PRKCB: variants seen among roughly 807,000 people sequenced by gnomAD.
The protein encoded by PRKCB is protein kinase C beta, also known as protein kinase C beta type.
A neutral mutation model predicts 81.5 loss-of-function variants in PRKCB; 13 were observed. That is an observed-to-expected ratio of 0.16 (90% CI 0.10 to 0.25). PRKCB has a LOEUF of 0.25. Among genes scored for constraint, PRKCB ranks in the 10% least tolerant of loss-of-function variants. The probability of loss-of-function intolerance (pLI) is 1.00; values close to 1 mark genes in which losing one functional copy is unlikely to be tolerated. For missense variants in PRKCB, 509 were observed against 875.7 expected, an observed-to-expected ratio of 0.58 and a Z score of 5.29; for synonymous variants, 335 against 321.4, an observed-to-expected ratio of 1.04 and a Z score of -0.45.
chr16:24,031,946 C>T (rs1413557957), intron 3 of PRKCB, 190 bp from the exon 4 acceptor site: 1 of 504,056 alleles, frequency 2.0e-6, no homozygotes, highest in African/African-American at 2.0e-5. Context: ...CTTTGTCCTT[C>T]ATTCCTTCCA....
chr16:24,072,695 C>T (rs1044937129), intron 5 of PRKCB, among the ~76,000 whole-genome samples: 3 of 152,092 alleles, frequency 2.0e-5, no homozygotes, highest in African/African-American at 7.2e-5. Context: ...AATTCTCCTG[C>T]CTCAGCCTCC....
chr16:23,966,966 G>A (rs191934662), intron 2 of PRKCB, among the ~76,000 whole-genome samples: 66 of 151,788 alleles, frequency 4.3e-4, no homozygotes, highest in Non-Finnish European at 8.8e-4. Flanking sequence ...ACCTGGATTT[G>A]TAAAAACCGT....
At chr16:24,169,444 T>C (rs1165141156) in intron 10 of PRKCB, among the ~76,000 whole-genome samples, 1 of 152,072 alleles carries the variant, frequency 6.6e-6, no homozygotes, top group Non-Finnish European at 1.5e-5. Flanking sequence ...ACATGATGCG[T>C]CCCTCAGCAC....
At chr16:23,836,472 T>G in intron 1 of PRKCB, 124 bp downstream of exon 1, 4 of 1,368,388 alleles carry the variant, frequency 2.9e-6, no homozygotes, top group East Asian at 2.8e-5. Context: ...GTCTCCGGAC[T>G]CCCGGCTCCG....
At chr16:24,109,400 G>C (rs906891653) in intron 7 of PRKCB, among the ~76,000 whole-genome samples, 1 of 126,474 alleles carries the variant, frequency 7.9e-6, no homozygotes, top group Non-Finnish European at 1.6e-5. Flanking sequence ...CGGGGCGGCC[G>C]GGCAGAGATG....
intron 2 of PRKCB, among the ~76,000 whole-genome samples, chr16:23,975,283 C>T (rs1964610312): frequency 6.6e-6 from 1 of 152,136 alleles, no homozygotes; most frequent in Admixed American, 6.5e-5. Flanking sequence ...ACGCATTTGT[C>T]TCTGGGCTTC....
At chr16:24,206,995 A>G (rs943131774) in intron 16 of PRKCB, among the ~76,000 whole-genome samples, 4 of 152,238 alleles carry the variant, frequency 2.6e-5, no homozygotes, top group Admixed American at 6.5e-5. Context: ...CAGAGGCACG[A>G]TCATAGCTTG....
At chr16:24,100,229 A>C (rs989840187) in intron 7 of PRKCB, among the ~76,000 whole-genome samples, 1 of 151,840 alleles carries the variant, frequency 6.6e-6, no homozygotes, top group African/African-American at 2.4e-5. Context: ...ATGGCTGATA[A>C]TTCTGTTTTT....
chr16:24,084,985 A>C (rs991479204), intron 5 of PRKCB, among the ~76,000 whole-genome samples: 4 of 152,138 alleles, frequency 2.6e-5, no homozygotes, highest in Non-Finnish European at 5.9e-5. Flanking sequence ...GTATGCACAC[A>C]GGATGTTGAA....
chr16:24,129,917 G>T (rs1467116663), intron 9 of PRKCB, among the ~76,000 whole-genome samples: 1 of 152,128 alleles, frequency 6.6e-6, no homozygotes, highest in African/African-American at 2.4e-5. Flanking sequence ...TGGAAAAGTT[G>T]AAATGATTGC....
At chr16:24,111,643 A>G (rs1966677746) in intron 7 of PRKCB, among the ~76,000 whole-genome samples, 1 of 151,032 alleles carries the variant, frequency 6.6e-6, no homozygotes. Flanking sequence ...AAAAAAAGAA[A>G]AAAAAAACAG....
intron 5 of PRKCB, among the ~76,000 whole-genome samples, chr16:24,069,964 G>C (rs536888714): frequency 7.0e-4 from 107 of 152,174 alleles, no homozygotes; most frequent in Middle Eastern, 6.8e-3. Flanking sequence ...GGCTCACACT[G>C]TGCTGGGCTA....
At chr16:24,088,358 G>A (rs1966333545) in intron 5 of PRKCB, among the ~76,000 whole-genome samples, 1 of 152,154 alleles carries the variant, frequency 6.6e-6, no homozygotes, top group Admixed American at 6.5e-5. Flanking sequence ...GTAGAAGAAA[G>A]GACCTATAAA....
At chr16:24,022,216 C>T (rs1334914007) in intron 3 of PRKCB, among the ~76,000 whole-genome samples, 1 of 152,058 alleles carries the variant, frequency 6.6e-6, no homozygotes, top group Non-Finnish European at 1.5e-5. Flanking sequence ...GATGTGTTCA[C>T]ATGGGGTTGG....
rs41303763 is a variant in PRKCB, at chr16:24,218,378, C to T, written c.*3562C>T. 79,888 of 985,052 alleles carry T rather than the reference C, an allele frequency of 0.081. 3,397 individuals carry two copies. Among genetic ancestry groups the T allele is most frequent in the East Asian group, 0.14 (1,235 of 8,742 alleles). The allele number at this position is 985,052 out of a possible 1,614,324, so 61.0% of individuals were successfully genotyped here. On this transcript the variant is annotated 3_prime_UTR_variant, in exon 17 of 17. Coordinates refer to ENST00000643927, the MANE Select transcript of PRKCB (RefSeq NM_002738.7). ...TAGCACCCCACAGGCTAACAGCAAG[C>T]AGGACAAGACAAAAAGGGCAGGTGG...
intron 2 of PRKCB, among the ~76,000 whole-genome samples, chr16:23,976,505 C>T (rs1053211622): frequency 5.3e-5 from 8 of 152,152 alleles, no homozygotes; most frequent in African/African-American, 1.9e-4. Flanking sequence ...CCCTTAGAGC[C>T]AGAGGATGAG....
intron 5 of PRKCB, among the ~76,000 whole-genome samples, chr16:24,084,672 C>T (rs1055289924): frequency 6.6e-6 from 1 of 152,096 alleles, no homozygotes; most frequent in Admixed American, 6.5e-5. Flanking sequence ...AGAAATTGCT[C>T]AGCCCACATT....
intron 3 of PRKCB, among the ~76,000 whole-genome samples, chr16:23,995,115 C>T (rs999298573): frequency 6.6e-6 from 1 of 152,160 alleles, no homozygotes; most frequent in Admixed American, 6.5e-5. Flanking sequence ...TAAGATACCC[C>T]TTTTAACGTG....
chr16:24,002,111 G>A (rs1470460078), intron 3 of PRKCB, among the ~76,000 whole-genome samples: 2 of 152,196 alleles, frequency 1.3e-5, no homozygotes, highest in African/African-American at 4.8e-5. Context: ...CTCTGTCCTG[G>A]GTCTTGGTCA....
Sources: allele counts gnomAD v4.1 joint callset (sites outside exome capture counted in the v4.1 genomes callset), GRCh38; gene constraint gnomAD v4.1.1; transcripts MANE v1.5; gene names NCBI Gene and HGNC (gene_info 2026-07-23, HGNC 2026-07-21).